CCDC33: variants seen among roughly 807,000 people sequenced by gnomAD.
CCDC33 encodes the protein coiled-coil domain-containing protein 33.
CCDC33 carries 94 observed loss-of-function variants against 91.9 expected under a neutral mutation model. The ratio of observed to expected loss-of-function variants is 1.02; its 90% CI spans 0.87 to 1.21. The LOEUF (loss-of-function observed/expected upper bound fraction) is 1.21. Among genes scored for constraint, CCDC33 ranks in the 50% most tolerant of loss-of-function variants. CCDC33 has a pLI of 0.00. For missense variants in CCDC33, 940 were observed against 935.5 expected (o/e 1.00, Z -0.06); for synonymous variants, 396 against 374.5 (o/e 1.06, Z -0.66).
intron 2 of CCDC33, among the ~76,000 whole-genome samples, chr15:74,260,560 T>C (rs2075994400): frequency 6.6e-6 from 1 of 152,244 alleles, no homozygotes; most frequent in African/African-American, 2.4e-5. Context: ...ACATGCTTTC[T>C]TTCCAGTCCT....
intron 2 of CCDC33, among the ~76,000 whole-genome samples, chr15:74,224,739 C>A (rs2074732556): frequency 6.6e-6 from 1 of 152,204 alleles, no homozygotes; most frequent in African/African-American, 2.4e-5. Context: ...ATGAAATGAG[C>A]TAGTGTACAG....
intron 2 of CCDC33, among the ~76,000 whole-genome samples, chr15:74,250,240 C>T (rs1479613889): frequency 1.3e-5 from 2 of 152,196 alleles, no homozygotes; most frequent in East Asian, 3.8e-4. Context: ...AGGCAGGTTA[C>T]CATTGGGTAC....
chr15:74,235,943 A>C (rs992605901), upstream of CCDC33, among the ~76,000 whole-genome samples: 10 of 151,844 alleles, frequency 6.6e-5, no homozygotes, highest in Non-Finnish European at 1.5e-5. Flanking sequence ...CATCCTCTTG[A>C]AGTTTGTGTT....
chr15:74,284,446 G>A lies in CCDC33; in HGVS notation c.1095+2597G>A, dbSNP rs351212. The stretch of plus-strand genomic sequence containing the variant: ...ATGGCATTGCAGCTAAATCTAAAGG[G>A]GCCCATCCCCTTCTCCATCCCTCAT... On this transcript the variant is annotated intron_variant, in intron 10 of 18. Transcript: ENST00000398814. Among the ~76,000 whole-genome samples, 622 of 152,138 alleles carry A rather than the reference G, an allele frequency of 4.1e-3. 6 individuals are homozygous for A. The highest frequency in any genetic ancestry group is 0.013 in the African/African-American group (525 of 41,500).
chr15:74,314,055 T>C (rs1294232117), intron 11 of CCDC33, among the ~76,000 whole-genome samples: 2 of 152,238 alleles, frequency 1.3e-5, no homozygotes, highest in African/African-American at 4.8e-5. Context: ...GCTAGGACTG[T>C]GTCTCCTCCT....
At chr15:74,216,912 TA>T (rs1411361460), upstream of CCDC33, among the ~76,000 whole-genome samples, 1 of 152,040 alleles carries the variant, frequency 6.6e-6, no homozygotes, top group African/African-American at 2.4e-5. Context: ...TTTCCATATT[TA>T]GTGTTTATTT....
intron 2 of CCDC33, among the ~76,000 whole-genome samples, chr15:74,246,952 C>A (rs563623098): frequency 6.6e-6 from 1 of 151,830 alleles, no homozygotes; most frequent in East Asian, 2.0e-4. Flanking sequence ...CAAGACCACC[C>A]TGGCCAATAT....
At chr15:74,231,456 C>T (rs116737429), upstream of CCDC33, among the ~76,000 whole-genome samples, 1,461 of 152,314 alleles carry the variant, frequency 9.6e-3, 16 homozygotes, top group African/African-American at 0.034. Flanking sequence ...GCTGCACTGC[C>T]GCAGAGCCAT....
At chr15:74,274,691 A>T (rs1198856551) in intron 7 of CCDC33, among the ~76,000 whole-genome samples, 1 of 152,212 alleles carries the variant, frequency 6.6e-6, no homozygotes, top group Non-Finnish European at 1.5e-5. Flanking sequence ...GGCTGTCCCA[A>T]GGGGCAAGAG....
intron 1 of CCDC33, chr15:74,209,174 G>A: frequency 3.2e-6 from 4 of 1,237,910 alleles, no homozygotes; most frequent in Non-Finnish European, 4.3e-6. Context: ...AGGGGCTGGG[G>A]CCCCACACAA....
chr15:74,255,497 C>T (rs2075833843), intron 2 of CCDC33, among the ~76,000 whole-genome samples: 1 of 152,242 alleles, frequency 6.6e-6, no homozygotes, highest in Non-Finnish European at 1.5e-5. Flanking sequence ...AGCAACTGGC[C>T]CTGAGTGAGG....
At position 74,262,434 on chromosome 15, in the gene CCDC33, C is replaced by T; in HGVS notation, c.186-6C>T. On this transcript the variant is annotated splice_region_variant and splice_polypyrimidine_tract_variant and intron_variant, in intron 2 of 18. Transcript: ENST00000398814. ...CTTTGACTCACCCTGCCCCTGCTCTCCCCAGGAAAAGCACATCTGAGGAAA... is the reference window on the plus strand; with the variant it reads ...CTTTGACTCACCCTGCCCCTGCTCTTCCCAGGAAAAGCACATCTGAGGAAA... 6.2e-7 allele frequency: 1 copy of T among 1,613,896 alleles called. No homozygotes were observed. The highest frequency in any genetic ancestry group is 8.5e-7 in the Non-Finnish European group (1 of 1,179,878).
intron 2 of CCDC33, among the ~76,000 whole-genome samples, chr15:74,228,421 G>A (rs1437831793): frequency 3.9e-5 from 6 of 152,206 alleles, no homozygotes; most frequent in African/African-American, 1.4e-4. Context: ...CTCACAAAAC[G>A]CTGGCCATTC....
chr15:74,223,774 G>GCACA (rs34461827), intron 2 of CCDC33, among the ~76,000 whole-genome samples: 59,401 of 145,402 alleles, frequency 0.41, 12,503 homozygotes, highest in South Asian at 0.6. Context: ...ACGCAAGCAT[G>GCACA]CACACACACA....
chr15:74,281,884 C>G (rs372094989), intron 10 of CCDC33, 35 bp downstream of exon 10: 16 of 1,575,958 alleles, frequency 1.0e-5, no homozygotes, highest in Non-Finnish European at 1.4e-5. Flanking sequence ...TCAGGGCCAG[C>G]AGGCACATGT....
chr15:74,333,099 G>T, intron 16 of CCDC33: 1 of 870,774 alleles, frequency 1.1e-6, no homozygotes. Context: ...CTTGGTCCCT[G>T]AACCCTGACC....
At chr15:74,217,070 C>T, upstream of CCDC33, 1 of 279,900 alleles carries the variant, frequency 3.6e-6, no homozygotes, top group South Asian at 3.7e-5. Context: ...GGAACAAATG[C>T]TAAAAGGAAG....
Position 74,227,202 on chromosome 15 carries a change from C to T in CCDC33, c.675+8341C>T, listed in dbSNP as rs537245588. On this transcript the variant is annotated intron_variant, in intron 2 of 2. Transcript: ENST00000635913. The stretch of plus-strand genomic sequence containing the variant: ...GAGGAGATAGACAGCTTGCCCAAGG[C>T]AGTCAGTAGCAAGGTCAAGCTGGAA... Among the ~76,000 whole-genome samples the T allele has an allele frequency of 8.6e-4, 131 of 152,322 alleles. 1 individual carries two copies. The highest frequency in any genetic ancestry group is 3.1e-3 in the African/African-American group (128 of 41,566).
At chr15:74,240,120 C>CT (rs1186725697) in intron 1 of CCDC33, among the ~76,000 whole-genome samples, 1 of 152,282 alleles carries the variant, frequency 6.6e-6, no homozygotes, top group African/African-American at 2.4e-5. Flanking sequence ...GGGCACATGC[C>CT]TGCAAGCCTC....
Sources: allele counts gnomAD v4.1 joint callset (sites outside exome capture counted in the v4.1 genomes callset), GRCh38; gene constraint gnomAD v4.1.1; transcripts MANE v1.5; gene names NCBI Gene and HGNC (gene_info 2026-07-23, HGNC 2026-07-21).